The following ZBBX variants were observed in gnomAD, a reference collection of about 807,000 sequenced individuals.
ZBBX encodes the protein zinc finger B-box domain containing, also known as zinc finger B-box domain-containing protein 1.
A neutral mutation model predicts 108.5 loss-of-function variants in ZBBX; 101 were observed. The ratio of observed to expected loss-of-function variants is 0.93; its 90% CI spans 0.79 to 1.10. The LOEUF (loss-of-function observed/expected upper bound fraction) is 1.10. Ranked by LOEUF, ZBBX falls within the 50% of genes least tolerant of loss-of-function variation. The pLI is 0.00. For synonymous variants in ZBBX, 356 were observed against 323.4 expected (o/e 1.10, Z -1.08); for missense variants, 1,009 against 941.4 (o/e 1.07, Z -0.94).
intron 20 of ZBBX, among the ~76,000 whole-genome samples, chr3:167,263,324 G>C (rs1321438696): frequency 1.3e-5 from 2 of 152,048 alleles, no homozygotes; most frequent in Non-Finnish European, 2.9e-5. Context: ...TTATTTATTT[G>C]AAGTTATTTT....
intron 9 of ZBBX, among the ~76,000 whole-genome samples, chr3:167,339,624 G>A (rs1333464386): frequency 6.6e-6 from 1 of 152,062 alleles, no homozygotes; most frequent in Non-Finnish European, 1.5e-5. Flanking sequence ...CTGTTAATTA[G>A]GTGGGCAATT....
chr3:167,247,765 C>T (rs577634708), intron 20 of ZBBX, among the ~76,000 whole-genome samples: 2 of 152,208 alleles, frequency 1.3e-5, no homozygotes, highest in African/African-American at 2.4e-5. Context: ...ACTAGGGAAC[C>T]TTTCCCATTT....
At chr3:167,228,852 T>A in the ZBBX span, among the ~76,000 whole-genome samples, 3 of 151,782 alleles carry the variant, frequency 2.0e-5, no homozygotes, top group Non-Finnish European at 4.4e-5. Context: ...AAGAAGTTCA[T>A]CATTGTTTGA....
rs148160915 is a variant in ZBBX at position 167,354,710 on chromosome 3, A to G, written c.433-4195T>C. ...ATATTCTGCATAATTTTTATTTAATATAACTTGCTAATTTTAAGTGAATTT... is the reference window on the plus strand; with the variant it reads ...ATATTCTGCATAATTTTTATTTAATGTAACTTGCTAATTTTAAGTGAATTT... On this transcript the variant is annotated intron_variant, in intron 8 of 21. Coordinates refer to ENST00000675490, the MANE Select transcript of ZBBX (RefSeq NM_001199201.2). Among the ~76,000 whole-genome samples, 1,002 of 152,084 alleles carry G rather than the reference A, an allele frequency of 6.6e-3. 4 individuals carry two copies. The highest frequency in any genetic ancestry group is 0.031 in the Middle Eastern group (9 of 294).
At chr3:167,237,414 G>C (rs1454121786), downstream of ZBBX, among the ~76,000 whole-genome samples, 4 of 151,856 alleles carry the variant, frequency 2.6e-5, no homozygotes, top group East Asian at 7.7e-4. Flanking sequence ...TGTAAAATCA[G>C]GTGGTCATTT....
chr3:167,302,580 T>C (rs1412573072), intron 17 of ZBBX, among the ~76,000 whole-genome samples: 3 of 152,164 alleles, frequency 2.0e-5, no homozygotes, highest in Non-Finnish European at 2.9e-5. Context: ...CTTATATGAT[T>C]GGGTTTATTC....
chr3:167,391,760 C>T (rs535741320), intron 1 of ZBBX, among the ~76,000 whole-genome samples: 3 of 151,804 alleles, frequency 2.0e-5, no homozygotes, highest in South Asian at 4.2e-4. Context: ...TACAATAAAT[C>T]ACAAATATGT....
intron 8 of ZBBX, among the ~76,000 whole-genome samples, chr3:167,359,659 T>A (rs956479609): frequency 3.3e-5 from 5 of 152,006 alleles, no homozygotes; most frequent in Non-Finnish European, 5.9e-5. Flanking sequence ...TAAACAAGAA[T>A]GAGAAGATGA....
At chr3:167,286,953 T>A (rs1234650972) in intron 19 of ZBBX, among the ~76,000 whole-genome samples, 1 of 152,192 alleles carries the variant, frequency 6.6e-6, no homozygotes, top group East Asian at 1.9e-4. Flanking sequence ...ATTTTTAGTT[T>A]ATTTTAGACC....
At chr3:167,381,069 T>C (rs1055648495), upstream of ZBBX, among the ~76,000 whole-genome samples, 2 of 152,112 alleles carry the variant, frequency 1.3e-5, no homozygotes, top group Non-Finnish European at 2.9e-5. Context: ...CTTAACCACA[T>C]TGCATCTGTC....
chr3:167,304,779 G>C (rs1487403382), intron 17 of ZBBX, among the ~76,000 whole-genome samples: 3 of 152,012 alleles, frequency 2.0e-5, no homozygotes, highest in Non-Finnish European at 4.4e-5. Context: ...TATGTTCCTA[G>C]TGCACTCCTT....
intron 8 of ZBBX, among the ~76,000 whole-genome samples, chr3:167,355,702 T>C (rs762815660): frequency 1.3e-4 from 19 of 152,000 alleles, no homozygotes; most frequent in Non-Finnish European, 2.4e-4. Flanking sequence ...AACAATACCA[T>C]GGTCTACTTC....
intron 1 of ZBBX, among the ~76,000 whole-genome samples, chr3:167,388,164 T>C (rs1747975091): frequency 6.6e-6 from 1 of 151,938 alleles, no homozygotes; most frequent in East Asian, 1.9e-4. Context: ...GAGCAACATT[T>C]GCAAAGAGCC....
At chr3:167,323,330 G>T (rs1261695921) in intron 11 of ZBBX, among the ~76,000 whole-genome samples, 1 of 151,820 alleles carries the variant, frequency 6.6e-6, no homozygotes, top group African/African-American at 2.4e-5. Flanking sequence ...ACACAGAAGG[G>T]TGATGGAAGA....
At chr3:167,396,802 G>A (rs2108640307) in intron 1 of ZBBX, among the ~76,000 whole-genome samples, 1 of 151,936 alleles carries the variant, frequency 6.6e-6, no homozygotes, top group Non-Finnish European at 1.5e-5. Flanking sequence ...ATATGAGGAA[G>A]ACAGAGATAG....
At chr3:167,261,476 C>T (rs1406913184) in intron 20 of ZBBX, among the ~76,000 whole-genome samples, 3 of 151,328 alleles carry the variant, frequency 2.0e-5, no homozygotes, top group Non-Finnish European at 1.5e-5. Context: ...CGTGTCTGAG[C>T]TCAGACTGTC....
chr3:167,392,109 T>A (rs1748099815), intron 1 of ZBBX, among the ~76,000 whole-genome samples: 1 of 151,816 alleles, frequency 6.6e-6, no homozygotes, highest in Non-Finnish European at 1.5e-5. Flanking sequence ...CACTAAGGAA[T>A]AATTTTTCTG....
intron 16 of ZBBX, among the ~76,000 whole-genome samples, chr3:167,311,264 T>C (rs1204755641): frequency 6.6e-6 from 1 of 152,116 alleles, no homozygotes; most frequent in Non-Finnish European, 1.5e-5. Flanking sequence ...TGTGAAACAA[T>C]ATATATAGAC....
chr3:167,231,453 G>C, the ZBBX span, among the ~76,000 whole-genome samples: 12 of 151,722 alleles, frequency 7.9e-5, no homozygotes, highest in African/African-American at 2.9e-4. Context: ...TGACTAAGAT[G>C]ACCTCTGAGA....
Sources: gnomAD v4.1 joint callset for allele counts (sites outside exome capture counted in the v4.1 genomes callset) on GRCh38, gnomAD v4.1.1 for gene constraint, MANE v1.5 for transcripts, NCBI Gene and HGNC (gene_info 2026-07-23, HGNC 2026-07-21) for gene names.